KIAA0753: variants seen among roughly 807,000 people sequenced by gnomAD.
The protein encoded by KIAA0753 is KIAA0753, also known as protein moonraker.
In KIAA0753, 114 loss-of-function variants were observed where a neutral mutation model predicts 116.9. The ratio of observed to expected loss-of-function variants is 0.98; its 90% CI spans 0.84 to 1.14. The LOEUF (loss-of-function observed/expected upper bound fraction) is 1.14. Among genes scored for constraint, KIAA0753 ranks in the 50% most tolerant of loss-of-function variants. The pLI, the probability that KIAA0753 is intolerant of heterozygous loss-of-function variation, is 0.00. For missense variants in KIAA0753, 1,156 were observed against 1,172.4 expected (o/e 0.99, Z 0.20); for synonymous variants, 405 against 413.1 (o/e 0.98, Z 0.24).
chr17:6,621,152 G>A (rs887701978), intron 6 of KIAA0753, among the ~76,000 whole-genome samples, 154 bp from the exon 7 acceptor site: 1 of 152,060 alleles, frequency 6.6e-6, no homozygotes. Context: ...TTATTATTTA[G>A]GATATCTAAT....
intron 18 of KIAA0753, among the ~76,000 whole-genome samples, chr17:6,587,773 G>A (rs138539013): frequency 5.5e-4 from 83 of 152,292 alleles, no homozygotes; most frequent in Non-Finnish European, 7.6e-4. Flanking sequence ...CTAAACACAA[G>A]TGATTATCCC....
intron 7 of KIAA0753, among the ~76,000 whole-genome samples, chr17:6,613,814 G>A (rs1021154040): frequency 1.3e-5 from 2 of 152,116 alleles, no homozygotes; most frequent in Non-Finnish European, 2.9e-5. Context: ...TAACACCAGG[G>A]CAGAAGAGAC....
At chr17:6,601,906 A>G (rs934971833) in intron 12 of KIAA0753, among the ~76,000 whole-genome samples, 2 of 152,198 alleles carry the variant, frequency 1.3e-5, no homozygotes, top group African/African-American at 2.4e-5. Context: ...TGCTGCACAC[A>G]TATCTGGCAA....
chr17:6,615,814 G>C (rs1201276553), intron 7 of KIAA0753, among the ~76,000 whole-genome samples: 1 of 152,130 alleles, frequency 6.6e-6, no homozygotes, highest in Non-Finnish European at 1.5e-5. Context: ...CCTCATTGCT[G>C]ACAAGTTACA....
At chr17:6,611,149 G>T (rs953892576) in intron 8 of KIAA0753, among the ~76,000 whole-genome samples, 2 of 152,324 alleles carry the variant, frequency 1.3e-5, no homozygotes, top group Admixed American at 6.5e-5. Flanking sequence ...AGGGCCATAA[G>T]TAAGTTTTAA....
intron 12 of KIAA0753, among the ~76,000 whole-genome samples, chr17:6,603,609 T>C (rs926849011): frequency 1.3e-5 from 2 of 152,060 alleles, no homozygotes; most frequent in African/African-American, 2.4e-5. Context: ...CGGAGAGAAG[T>C]AGAGAAGGCA....
chr17:6,625,671 GAGA>G (rs1971621707), intron 3 of KIAA0753, among the ~76,000 whole-genome samples: 1 of 136,076 alleles, frequency 7.3e-6, no homozygotes, highest in Middle Eastern at 3.6e-3. Context: ...TCTTAAAAAA[GAGA>G]AGAATTAAAA....
chr17:6,593,642 C>T (rs141017026), intron 16 of KIAA0753, among the ~76,000 whole-genome samples: 2,987 of 152,066 alleles, frequency 0.02, 92 homozygotes, highest in African/African-American at 0.067. Context: ...AATCCCAGCA[C>T]TGTGGGAGGC....
intron 12 of KIAA0753, among the ~76,000 whole-genome samples, chr17:6,601,622 C>T (rs8064688): frequency 2.0e-5 from 3 of 152,238 alleles, no homozygotes; most frequent in African/African-American, 2.4e-5. Flanking sequence ...AAATGAATTT[C>T]GACCAGTATT....
At chr17:6,590,168 C>T (rs956966277) in intron 17 of KIAA0753, among the ~76,000 whole-genome samples, 165 bp from the exon 18 acceptor site, 2 of 152,204 alleles carry the variant, frequency 1.3e-5, no homozygotes, top group Non-Finnish European at 2.9e-5. Flanking sequence ...CCCCTTTTCA[C>T]GGAACCAACC....
chr17:6,598,670 T>C (rs1317672067), intron 14 of KIAA0753, among the ~76,000 whole-genome samples: 1 of 152,230 alleles, frequency 6.6e-6, no homozygotes, highest in African/African-American at 2.4e-5. Context: ...GCAGAAACAT[T>C]TCTACAAATA....
intron 16 of KIAA0753, among the ~76,000 whole-genome samples, chr17:6,591,040 GGAAGAAGAAGAAGAAGAAGAAGAA>G (rs71157205): frequency 0.011 from 1,087 of 100,032 alleles, 55 homozygotes; most frequent in African/African-American, 0.033. Context: ...GAAGGAAGAA[GGAAGAAGAAGAAGAAGAAGAAGAA>G]GAAGAAGAAG....
chr17:6,622,256 T>C (rs1476766921), intron 6 of KIAA0753, among the ~76,000 whole-genome samples: 4 of 152,220 alleles, frequency 2.6e-5, no homozygotes, highest in Admixed American at 2.6e-4. Context: ...AAATTTAACC[T>C]GTACAACAGC....
rs1969471932 is a variant in KIAA0753 at position 6,596,200 on chromosome 17, G to A, written c.2316C>T (p.Ser772=). 6.2e-7 allele frequency: 1 copy of A among 1,613,848 alleles called. No homozygotes were observed. Residue 772 remains serine (S), a synonymous_variant, in exon 15 of 19, where the codon AGC becomes AGT. Transcript: ENST00000361413. ...TLATVEDSKD[S]PDLEIMMRRM... ...GGCGCATCATGATCTCCAGATCTGGGCTATCCTTGCTGTCCTCAACGGTGG... is the reference window on the plus strand; with the variant it reads ...GGCGCATCATGATCTCCAGATCTGGACTATCCTTGCTGTCCTCAACGGTGG...
Position 6,580,886 on chromosome 17 carries a change from G to A in KIAA0753, c.2787-1022C>T, listed in dbSNP as rs77995655. Among the ~76,000 whole-genome samples the A allele has an allele frequency of 5.0e-3, 656 of 131,840 alleles. 6 individuals carry two copies. Among genetic ancestry groups the A allele is most frequent in the African/African-American group, 0.018 (616 of 34,454 alleles). The allele number at this position is 131,840 out of a possible 152,430, so 86.5% of individuals were successfully genotyped here. On this transcript the variant is annotated intron_variant, in intron 18 of 18. Transcript: ENST00000361413. ...GGGAGGACACTAGGGGACTCTGCAC[G>A]GGTGCTCCTCTGTACACACACACAC...
chr17:6,640,482 C>G (rs1168234441), intron 1 of KIAA0753, among the ~76,000 whole-genome samples, 155 bp downstream of exon 1: 1 of 151,938 alleles, frequency 6.6e-6, no homozygotes, highest in Non-Finnish European at 1.5e-5. Context: ...CTCGGGAACC[C>G]GCCCCCAGTC....
At chr17:6,616,572 C>T (rs1019135504) in intron 7 of KIAA0753, among the ~76,000 whole-genome samples, 4 of 152,172 alleles carry the variant, frequency 2.6e-5, no homozygotes, top group Non-Finnish European at 5.9e-5. Context: ...CACCTGTAAT[C>T]CCAGCACTTT....
In KIAA0753 at chr17:6,606,831, C is replaced by A. The variant is rs766853520; in HGVS notation, c.2009+42G>T. 3.3e-6 allele frequency: 5 copies of A among 1,532,648 alleles called. No homozygotes were observed. The African/African-American group carries it at 6.8e-5, about 21-fold the overall frequency. 94.9% of individuals were successfully genotyped at this position (1,532,648 alleles called of 1,614,324 possible). A position where few individuals can be genotyped will look rare whatever the true frequency, so the allele number is the denominator to read the frequency against. On this transcript the variant is annotated intron_variant, in intron 12 of 18. Coordinates refer to ENST00000361413, the MANE Select transcript of KIAA0753 (RefSeq NM_014804.3). ...CTAGAACTATCTAGATCAATTAGAA[C>A]AGGCAAACATCCACTATTCTTCCTA...
intron 12 of KIAA0753, among the ~76,000 whole-genome samples, chr17:6,602,864 G>T (rs1352467117): frequency 7.2e-5 from 11 of 151,974 alleles, no homozygotes; most frequent in Non-Finnish European, 2.9e-5. Context: ...CTCCCCCTAC[G>T]TTTAAACATG....
Sources: gnomAD v4.1 joint callset for allele counts (sites outside exome capture counted in the v4.1 genomes callset) on GRCh38, gnomAD v4.1.1 for gene constraint, MANE v1.5 for transcripts, NCBI Gene and HGNC (gene_info 2026-07-23, HGNC 2026-07-21) for gene names.